CLTA: variants seen among roughly 807,000 people sequenced by gnomAD.
CLTA encodes clathrin, light polypeptide (Lca).
Under a neutral mutation model 26.9 loss-of-function variants are expected in CLTA, and 9 were observed. The ratio of observed to expected loss-of-function variants is 0.33; its 90% CI spans 0.20 to 0.58. CLTA has a LOEUF of 0.58. Ranked by LOEUF, CLTA falls within the 20% of genes least tolerant of loss-of-function variation. CLTA has a pLI of 0.85. For synonymous variants in CLTA, 120 were observed against 115.5 expected, an observed-to-expected ratio of 1.04 and a Z score of -0.25; for missense variants, 278 against 294.2, an observed-to-expected ratio of 0.94 and a Z score of 0.40.
intron 4 of CLTA, chr9:36,210,474 G>A: frequency 1.7e-6 from 2 of 1,203,478 alleles, no homozygotes. Context: ...CTGGGCAGCT[G>A]GGTGGCCAGC....
intron 4 of CLTA, among the ~76,000 whole-genome samples, chr9:36,205,755 G>GTTT (rs746587996): frequency 0.011 from 1,012 of 93,914 alleles, 47 homozygotes; most frequent in African/African-American, 0.04. Flanking sequence ...AATGACACCT[G>GTTT]TTTTTTTTTT....
chr9:36,196,207 C>T (rs1231518795), intron 1 of CLTA, among the ~76,000 whole-genome samples: 1 of 151,400 alleles, frequency 6.6e-6, no homozygotes, highest in Non-Finnish European at 1.5e-5. Context: ...TTGAACAACC[C>T]AGGAGGTGGA....
chr9:36,190,990 G>T lies in CLTA; in HGVS notation c.-67G>T. The T allele has an allele frequency of 1.4e-6, 2 of 1,465,582 alleles. No individual in the cohort carries two copies. Among genetic ancestry groups the T allele is most frequent in the Non-Finnish European group, 1.8e-6 (2 of 1,118,914 alleles). 90.8% of individuals were successfully genotyped at this position (1,465,582 alleles called of 1,614,324 possible). A position where few individuals can be genotyped will look rare whatever the true frequency, so the allele number is the denominator to read the frequency against. On this transcript the variant is annotated 5_prime_UTR_variant, in exon 1 of 5. Coordinates refer to ENST00000345519, the MANE Select transcript of CLTA (RefSeq NM_001833.4). ...TCGGCACCACAGCGGTGGCTGCCGG[G>T]CGTGGTGTCGGTGGGTCGGTTGGTT...
chr9:36,197,513 C>T, intron 1 of CLTA, 38 bp from the exon 2 acceptor site: 1 of 1,536,872 alleles, frequency 6.5e-7, no homozygotes, highest in Non-Finnish European at 9.0e-7. Flanking sequence ...AGTGTTTGAC[C>T]AGTCCTTATT....
chr9:36,207,615 A>G (rs1827800526), intron 4 of CLTA, among the ~76,000 whole-genome samples: 1 of 152,200 alleles, frequency 6.6e-6, no homozygotes, highest in African/African-American at 2.4e-5. Flanking sequence ...CAAGTGAAGG[A>G]CAAATAAGGG....
chr9:36,192,904 T>C (rs1180811945), intron 1 of CLTA, among the ~76,000 whole-genome samples: 1 of 152,202 alleles, frequency 6.6e-6, no homozygotes, highest in African/African-American at 2.4e-5. Flanking sequence ...AGTTGGAAGA[T>C]TGTCCTGATT....
intron 1 of CLTA, among the ~76,000 whole-genome samples, chr9:36,192,342 G>C (rs1283453527): frequency 2.6e-5 from 4 of 152,184 alleles, no homozygotes; most frequent in African/African-American, 9.7e-5. Flanking sequence ...GTAGTGCTCT[G>C]TGTAAAGGCA....
intron 3 of CLTA, among the ~76,000 whole-genome samples, chr9:36,202,354 A>G (rs767050253): frequency 6.6e-6 from 1 of 152,174 alleles, no homozygotes; most frequent in African/African-American, 2.4e-5. Context: ...ATGCCCAAGA[A>G]TACTTCATTT....
At chr9:36,200,455 G>A (rs1414033397) in intron 3 of CLTA, among the ~76,000 whole-genome samples, 6 of 152,142 alleles carry the variant, frequency 3.9e-5, no homozygotes, top group Non-Finnish European at 7.3e-5. Context: ...TAACCACAAC[G>A]TCAGCAGTAT....
chr9:36,190,959 T>A lies in CLTA; in HGVS notation c.-98T>A. On this transcript the variant is annotated 5_prime_UTR_variant, in exon 1 of 5. Coordinates refer to ENST00000345519, the MANE Select transcript of CLTA (RefSeq NM_001833.4). The stretch of plus-strand genomic sequence containing the variant: ...CTCCCTCCTGGCGCTTGTCCTCCTC[T>A]CCCAGTCGGCACCACAGCGGTGGCT... The A allele has an allele frequency of 6.9e-7, 1 of 1,443,240 alleles. No homozygotes were observed. The allele number at this position is 1,443,240 out of a possible 1,614,324, so 89.4% of individuals were successfully genotyped here.
At chr9:36,211,555 C>A in intron 4 of CLTA, 48 bp from the exon 5 acceptor site, 1 of 1,551,808 alleles carries the variant, frequency 6.4e-7, no homozygotes, top group Non-Finnish European at 8.8e-7. Flanking sequence ...CACCAGGTTG[C>A]TCAAAGGGGG....
intron 4 of CLTA, among the ~76,000 whole-genome samples, chr9:36,205,680 GT>G (rs1390046649): frequency 6.6e-6 from 1 of 150,584 alleles, no homozygotes; most frequent in Admixed American, 6.6e-5. Flanking sequence ...TTTCAAGGAA[GT>G]TTTGCTGAAC....
At chr9:36,205,503 C>T (rs1224391616) in intron 4 of CLTA, among the ~76,000 whole-genome samples, 1 of 152,148 alleles carries the variant, frequency 6.6e-6, no homozygotes, top group Admixed American at 6.5e-5. Flanking sequence ...CCTGCGAGCC[C>T]TGAGAACTCC....
At chr9:36,197,262 CTG>C (rs1269485602) in intron 1 of CLTA, among the ~76,000 whole-genome samples, 2 of 152,146 alleles carry the variant, frequency 1.3e-5, no homozygotes, top group African/African-American at 4.8e-5. Context: ...TAGAGAAACA[CTG>C]TTCTCTTTCT....
chr9:36,202,952 A>G (rs912909016), intron 3 of CLTA, among the ~76,000 whole-genome samples: 4 of 151,452 alleles, frequency 2.6e-5, no homozygotes, highest in African/African-American at 9.7e-5. Context: ...CTCCCCAGTA[A>G]TCCCCAGTAG....
In CLTA at chr9:36,198,829, T is replaced by TGCCACTG. The variant is rs1827219474; in HGVS notation, c.256-149_256-143dup. The TGCCACTG allele has an allele frequency of 1.9e-5, 10 of 515,316 alleles. No homozygotes were observed. The East Asian group carries it at 3.6e-4, about 19-fold the overall frequency. 31.9% of individuals were successfully genotyped at this position (515,316 alleles called of 1,614,324 possible). A position where few individuals can be genotyped will look rare whatever the true frequency, so the allele number is the denominator to read the frequency against. ...TGGAGGTTGCAGTGAGCCGAGATCG[T>TGCCACTG]GCCACTGCACTCCAGCCTTGGCGAC... is the stretch of plus-strand genomic sequence containing the variant. On this transcript the variant is annotated intron_variant, in intron 2 of 4. Coordinates refer to ENST00000345519, the MANE Select transcript of CLTA (RefSeq NM_001833.4).
Position 36,211,920 on chromosome 9 carries a change from T to A in CLTA, c.*146T>A. ...TGTTCATTGTTTGTGATTGCATGTT[T>A]CCTTCCTTCAACTGTGTTCTCCCTG... is the stretch of plus-strand genomic sequence containing the variant. On this transcript the variant is annotated 3_prime_UTR_variant, in exon 5 of 5. Coordinates refer to ENST00000345519, the MANE Select transcript of CLTA (RefSeq NM_001833.4). 1.4e-6 allele frequency: 1 copy of A among 738,572 alleles called. No individual in the cohort carries two copies. The highest frequency in any genetic ancestry group is 2.3e-6 in the Non-Finnish European group (1 of 441,536). 45.8% of individuals were successfully genotyped at this position (738,572 alleles called of 1,614,324 possible).
chr9:36,201,696 G>T (rs1368418818), intron 3 of CLTA, among the ~76,000 whole-genome samples: 2 of 152,138 alleles, frequency 1.3e-5, no homozygotes, highest in African/African-American at 4.8e-5. Flanking sequence ...TGAAAAGGGG[G>T]CCTTACATTT....
upstream of CLTA, chr9:36,190,915 G>A (rs966974613): frequency 3.7e-6 from 5 of 1,366,156 alleles, no homozygotes; most frequent in East Asian, 2.8e-5. Flanking sequence ...TACACGGGTA[G>A]GGCTTCCGCT....
Sources: allele counts gnomAD v4.1 joint callset (sites outside exome capture counted in the v4.1 genomes callset), GRCh38; gene constraint gnomAD v4.1.1; transcripts MANE v1.5; gene names NCBI Gene and HGNC (gene_info 2026-07-23, HGNC 2026-07-21).